Variants in CLSPN observed in about 807,000 individuals in gnomAD.
The protein encoded by CLSPN is claspin.
A neutral mutation model predicts 156.3 loss-of-function variants in CLSPN; 85 were observed. The ratio of observed to expected loss-of-function variants is 0.54; its 90% CI spans 0.46 to 0.65. The LOEUF (loss-of-function observed/expected upper bound fraction) is 0.65, where lower values mean the gene tolerates loss of function less well. CLSPN is among the 30% of genes least tolerant of loss of function. The pLI, the probability that CLSPN is intolerant of heterozygous loss-of-function variation, is 0.00. For missense variants in CLSPN, 1,407 were observed against 1,554.9 expected (o/e 0.90, Z 1.60); for synonymous variants, 534 against 542.4 (o/e 0.98, Z 0.22).
chr1:35,764,930 G>T (rs141579932), intron 2 of CLSPN, among the ~76,000 whole-genome samples: 76 of 152,196 alleles, frequency 5.0e-4, no homozygotes, highest in African/African-American at 1.7e-3. Context: ...GTAATTTTAC[G>T]TATATTTACA....
In CLSPN at chr1:35,751,385, C is replaced by G. The variant is rs1237786223; in HGVS notation, c.1893G>C (p.Glu631Asp). The change falls in exon 10 of 25, where the codon GAG becomes GAC. Residue 631 changes from glutamate to aspartate, a missense_variant. By Grantham distance (45) the Glu-to-Asp change is conservative. This residue lies in a region of CLSPN where 1,096 missense variants were observed against 1,193.0 expected (regional missense o/e 0.92). Transcript: ENST00000318121. ...CTGTCATTTCTTCCTCTTCCTCCTC[C>G]TCTTCCTCAAACCCATCTTCATTAT... ...KLDNEDGFEE[E>D]EEEEEEMTDE... 1 of 1,612,954 alleles carries G rather than the reference C, an allele frequency of 6.2e-7. No individual in the cohort carries two copies. The highest frequency in any genetic ancestry group is 2.2e-5 in the East Asian group (1 of 44,848).
At chr1:35,768,196 C>T (rs1431700786) in intron 1 of CLSPN, among the ~76,000 whole-genome samples, 4 of 152,006 alleles carry the variant, frequency 2.6e-5, no homozygotes, top group Non-Finnish European at 4.4e-5. Context: ...AGTAAAACCC[C>T]GTATCTACTA....
Position 35,743,472 on chromosome 1 carries a change from CATT to C in CLSPN, c.3022_3024del (p.Asn1008del). On this transcript the variant is annotated inframe_deletion, in exon 17 of 25. Transcript: ENST00000318121. ...ATACTCACCTCATCACTATCAAACT[CATT>C]ATCATTTGAAACAAGCCGAAAGTCT... The C allele has an allele frequency of 1.2e-6, 2 of 1,613,502 alleles. No individual in the cohort carries two copies. The highest frequency in any genetic ancestry group is 1.1e-5 in the South Asian group (1 of 91,056).
At chr1:35,730,759 A>C (rs1641296077), downstream of CLSPN, among the ~76,000 whole-genome samples, 1 of 152,090 alleles carries the variant, frequency 6.6e-6, no homozygotes, top group Non-Finnish European at 1.5e-5. Flanking sequence ...GCCCCTTGGG[A>C]GGCTGAGGCA....
Position 35,738,113 on chromosome 1 carries a change from AATATAT to A in CLSPN, c.3559-22_3559-17del, listed in dbSNP as rs200967861. The A allele has an allele frequency of 3.9e-3, 1,409 of 362,386 alleles. 32 individuals carry two copies. The highest frequency in any genetic ancestry group is 0.022 in the Admixed American group (204 of 9,272). The allele number at this position is 362,386 out of a possible 1,614,324, so 22.4% of individuals were successfully genotyped here. A position where few individuals can be genotyped will look rare whatever the true frequency, so the allele number is the denominator to read the frequency against. On this transcript the variant is annotated splice_polypyrimidine_tract_variant and intron_variant, in intron 21 of 24. Coordinates refer to ENST00000318121, the MANE Select transcript of CLSPN (RefSeq NM_022111.4). ...CCTGCTGTGCCTGAAAAAAAAAAAA[AATATAT>A]ATATATATATATATATATATACAGC...
In CLSPN at chr1:35,733,039, A is replaced by C. The variant is rs1641355168; in HGVS notation, c.*3457T>G. ...GAGAGCAGTGGCGTGATCTCGGCTC[A>C]CTGCAACCTCTGCCTCCCAGGTTCA... On this transcript the variant is annotated 3_prime_UTR_variant, in exon 25 of 25. Transcript: ENST00000318121. 1.3e-6 allele frequency: 1 copy of C among 761,440 alleles called. No homozygotes were observed. Among genetic ancestry groups the C allele is most frequent in the East Asian group, 1.3e-4 (1 of 7,748 alleles). The allele number at this position is 761,440 out of a possible 1,614,324, so 47.2% of individuals were successfully genotyped here.
rs2148611781 is a variant in CLSPN, at chr1:35,735,893, A to G, written c.*603T>C. 2.0e-6 allele frequency: 2 copies of G among 985,336 alleles called. No homozygotes were observed. Among genetic ancestry groups the G allele is most frequent in the Non-Finnish European group, 2.4e-6 (2 of 829,906 alleles). The allele number at this position is 985,336 out of a possible 1,614,324, so 61.0% of individuals were successfully genotyped here. A position where few individuals can be genotyped will look rare whatever the true frequency, so the allele number is the denominator to read the frequency against. On this transcript the variant is annotated 3_prime_UTR_variant, in exon 25 of 25. Transcript: ENST00000318121. ...AGATATTAACCCAGAAAGCTGCTAC[A>G]ATAAAATGTCAAATGTCTAATGGAG...
rs138774266 is a variant in CLSPN at position 35,736,150 on chromosome 1, A to G, written c.*346T>C. The G allele has an allele frequency of 3.5e-4, 252 of 726,204 alleles. No individual in the cohort carries two copies. The African/African-American group carries it at 4.3e-3, about 12-fold the overall frequency. 45.0% of individuals were successfully genotyped at this position (726,204 alleles called of 1,614,324 possible). ...GGAGAATCGCTTGAACCTGGGAGGC[A>G]GAGATTGTGGTGAGCCGAGATCACG... On this transcript the variant is annotated 3_prime_UTR_variant, in exon 25 of 25. Coordinates refer to ENST00000318121, the MANE Select transcript of CLSPN (RefSeq NM_022111.4).
At position 35,746,402 on chromosome 1, in the gene CLSPN, C is replaced by A. The variant is rs1427322996; in HGVS notation, c.2854+364G>T. ...GGTAAGGGGCTTCTTTTCTTTCTTTCTTTTTTTCTATTTTTATGCAGGGTC... is the reference window on the plus strand; with the variant it reads ...GGTAAGGGGCTTCTTTTCTTTCTTTATTTTTTTCTATTTTTATGCAGGGTC... On this transcript the variant is annotated intron_variant, in intron 15 of 24. Transcript: ENST00000318121. The surrounding 1 kb of genome is among the most constrained non-coding windows in gnomAD (Gnocchi z 4.2). Among the ~76,000 whole-genome samples, 1 of 151,440 alleles carries A rather than the reference C, an allele frequency of 6.6e-6. No individual in the cohort carries two copies.
rs1641417275 is a variant in CLSPN at position 35,734,979 on chromosome 1, A to G, written c.*1517T>C. 3.0e-6 allele frequency: 3 copies of G among 985,294 alleles called. No homozygotes were observed. The highest frequency in any genetic ancestry group is 2.4e-6 in the Non-Finnish European group (2 of 829,894). The allele number at this position is 985,294 out of a possible 1,614,324, so 61.0% of individuals were successfully genotyped here. On this transcript the variant is annotated 3_prime_UTR_variant, in exon 25 of 25. Coordinates refer to ENST00000318121, the MANE Select transcript of CLSPN (RefSeq NM_022111.4). ...GAGAATGATGGCAATTCTCTTCAAT[A>G]ATATTTTTATTAAATTCCATGGTGG...
chr1:35,768,934 T>C (rs954412722), intron 1 of CLSPN, among the ~76,000 whole-genome samples: 1 of 152,148 alleles, frequency 6.6e-6, no homozygotes, highest in Non-Finnish European at 1.5e-5. Flanking sequence ...ATGCAATATT[T>C]TTTAAAAAAT....
chr1:35,737,264 A>C (rs1398334967), intron 23 of CLSPN, 75 bp downstream of exon 23: 2 of 1,368,788 alleles, frequency 1.5e-6, no homozygotes, highest in Non-Finnish European at 2.1e-6. Flanking sequence ...AATGACAGAG[A>C]CTATTCTCTA....
At position 35,733,034 on chromosome 1, in the gene CLSPN, G is replaced by A. The variant is rs962290013; in HGVS notation, c.*3462C>T. 10 of 799,886 alleles carry A rather than the reference G, an allele frequency of 1.3e-5. No homozygotes were observed. Among genetic ancestry groups the A allele is most frequent in the African/African-American group, 9.4e-5 (5 of 53,400 alleles). The allele number at this position is 799,886 out of a possible 1,614,324, so 49.5% of individuals were successfully genotyped here. On this transcript the variant is annotated 3_prime_UTR_variant, in exon 25 of 25. Coordinates refer to ENST00000318121, the MANE Select transcript of CLSPN (RefSeq NM_022111.4). ...TGCTGGAGAGCAGTGGCGTGATCTCGGCTCACTGCAACCTCTGCCTCCCAG... is the reference window on the plus strand; with the variant it reads ...TGCTGGAGAGCAGTGGCGTGATCTCAGCTCACTGCAACCTCTGCCTCCCAG...
chr1:35,757,841 G>A (rs570711883), intron 8 of CLSPN, among the ~76,000 whole-genome samples: 1 of 152,086 alleles, frequency 6.6e-6, no homozygotes, highest in Non-Finnish European at 1.5e-5. Context: ...TTCCCAATAC[G>A]CACCACCATG....
chr1:35,765,187 T>C (rs1642627420), intron 2 of CLSPN, 31 bp downstream of exon 2: 11 of 1,386,560 alleles, frequency 7.9e-6, no homozygotes, highest in Non-Finnish European at 1.1e-5. Flanking sequence ...TCCCGCAACC[T>C]ATTCCTAAAA....
chr1:35,755,266 A>ATTTT lies in CLSPN; in HGVS notation c.1580-1334_1580-1331dup, dbSNP rs1247342098. 3.5e-3 allele frequency among the ~76,000 whole-genome samples: 476 copies of ATTTT among 137,606 alleles called. 3 individuals are homozygous for ATTTT. The highest frequency in any genetic ancestry group is 0.012 in the African/African-American group (456 of 37,340). 90.3% of individuals were successfully genotyped at this position (137,606 alleles called of 152,430 possible). On this transcript the variant is annotated intron_variant, in intron 8 of 24. Coordinates refer to ENST00000318121, the MANE Select transcript of CLSPN (RefSeq NM_022111.4). Reference sequence around the variant, plus strand: ...AGGCATGTACCACCATATCCAGCTAATTTTTTTTTTTTTTTTTTGAGACGG... The same window carrying ATTTT: ...AGGCATGTACCACCATATCCAGCTAATTTTTTTTTTTTTTTTTTTTTTGAGACGG...
At chr1:35,722,009 C>A (rs895575034) in intron 24 of CLSPN, among the ~76,000 whole-genome samples, 2 of 151,428 alleles carry the variant, frequency 1.3e-5, no homozygotes, top group East Asian at 2.0e-4. Flanking sequence ...CATGGTGGTG[C>A]GCGTCTGTAA....
chr1:35,763,892 T>C (rs535013377), intron 3 of CLSPN, among the ~76,000 whole-genome samples: 9 of 151,754 alleles, frequency 5.9e-5, no homozygotes, highest in African/African-American at 2.2e-4. Context: ...CTTCCTGGGC[T>C]CAAGTGATTC....
At chr1:35,721,795 T>C (rs1215570066) in intron 24 of CLSPN, among the ~76,000 whole-genome samples, 1 of 152,140 alleles carries the variant, frequency 6.6e-6, no homozygotes, top group African/African-American at 2.4e-5. Flanking sequence ...CTACCTCTTC[T>C]TGTTATGCAT....
Sources: gnomAD v4.1 joint callset for allele counts (sites outside exome capture counted in the v4.1 genomes callset) on GRCh38, gnomAD v4.1.1 for gene constraint, gnomAD v4.1.1 regional missense constraint, Gnocchi (gnomAD v3.1) non-coding constraint, MANE v1.5 for transcripts, NCBI Gene and HGNC (gene_info 2026-07-23, HGNC 2026-07-21) for gene names.